CCDC180: variants seen among roughly 807,000 people sequenced by gnomAD.
The protein encoded by CCDC180 is coiled-coil domain containing 180.
A neutral mutation model predicts 209.2 loss-of-function variants in CCDC180; 154 were observed. That is an observed-to-expected ratio of 0.74 (90% CI 0.65 to 0.84). The LOEUF is 0.84. Among genes scored for constraint, CCDC180 ranks in the 40% least tolerant of loss-of-function variants. CCDC180 has a pLI of 0.00. For synonymous variants in CCDC180, 778 were observed against 749.1 expected (o/e 1.04, Z -0.63); for missense variants, 1,874 against 1,997.3 (o/e 0.94, Z 1.18).
Position 97,338,976 on chromosome 9 carries a change from G to T in CCDC180, c.2275-4364G>T, listed in dbSNP as rs1405756240. On this transcript the variant is annotated intron_variant, in intron 18 of 36. Transcript: ENST00000529487. ...GTCTGTTTTATCAGAGACTAGGATT[G>T]TAACCCCTGCTTTTTTTTTGCTTTC... Among the ~76,000 whole-genome samples the T allele has an allele frequency of 3.9e-5, 6 of 152,208 alleles. No individual in the cohort carries two copies. In the East Asian group the frequency reaches 1.2e-3, roughly 29 times the overall value.
rs1425033836 is a variant in CCDC180, at chr9:97,314,640, A to G, written c.611A>G (p.Lys204Arg). 1 of 1,614,060 alleles carries G rather than the reference A, an allele frequency of 6.2e-7. No homozygotes were observed. Among genetic ancestry groups the G allele is most frequent in the South Asian group, 1.1e-5 (1 of 91,078 alleles). ...TIQALLELWD[K>R]VAGRLLLRKQ... Reference sequence around the variant, plus strand: ...TAGGCCCTGCTGGAGCTGTGGGATAAGGTGGCCGGGCGGTTACTGCTCCGG... The same window carrying G: ...TAGGCCCTGCTGGAGCTGTGGGATAGGGTGGCCGGGCGGTTACTGCTCCGG... Residue 204 changes from lysine to arginine, a missense_variant, in exon 7 of 37, where the codon AAG (lysine) becomes AGG (arginine). Coordinates refer to ENST00000529487, the MANE Select transcript of CCDC180 (RefSeq NM_020893.6).
At chr9:97,350,605 G>A in intron 22 of CCDC180, 50 bp downstream of exon 22, 1 of 1,519,158 alleles carries the variant, frequency 6.6e-7, no homozygotes, top group Non-Finnish European at 8.8e-7. Flanking sequence ...TTTCTCTATT[G>A]GGATGTGGTC....
chr9:97,355,495 T>C (rs922423092), intron 24 of CCDC180, among the ~76,000 whole-genome samples: 1 of 152,240 alleles, frequency 6.6e-6, no homozygotes, highest in African/African-American at 2.4e-5. Context: ...TTACTAGTTA[T>C]TGAGCACCAT....
rs73563874 is a variant in CCDC180 at position 97,366,426 on chromosome 9, C to T, written c.4048-133C>T. ...AGACAGGGAAGGAGGAGTGTCTGCTCGTGTCACTTCCACAGGGGATGCCAC... is the reference window on the plus strand; with the variant it reads ...AGACAGGGAAGGAGGAGTGTCTGCTTGTGTCACTTCCACAGGGGATGCCAC... On this transcript the variant is annotated intron_variant, in intron 30 of 36. Coordinates refer to ENST00000529487, the MANE Select transcript of CCDC180 (RefSeq NM_020893.6). The surrounding 1 kb of genome is among the most constrained non-coding windows in gnomAD (Gnocchi z 4.3). 2,304 of 874,482 alleles carry T rather than the reference C, an allele frequency of 2.6e-3. 32 individuals are homozygous for T. In the African/African-American group the frequency reaches 0.034, roughly 13 times the overall value. 54.2% of individuals were successfully genotyped at this position (874,482 alleles called of 1,614,324 possible).
intron 18 of CCDC180, among the ~76,000 whole-genome samples, chr9:97,342,581 AG>A (rs1306913118): frequency 2.0e-5 from 3 of 152,162 alleles, no homozygotes; most frequent in African/African-American, 7.2e-5. Context: ...ACCCAGCCAC[AG>A]CAATGCTTTC....
intron 10 of CCDC180, 75 bp from the exon 11 acceptor site, chr9:97,320,051 C>T: frequency 1.8e-6 from 2 of 1,115,444 alleles, no homozygotes; most frequent in South Asian, 2.5e-5. Context: ...AGCTATGTTC[C>T]TTGAAGATGC....
chr9:97,328,071 G>A lies in CCDC180; in HGVS notation c.1713G>A (p.Ala571=), dbSNP rs768247040. The change falls in exon 16 of 37, where the codon GCG becomes GCA. Residue 571 remains alanine, a synonymous_variant. Coordinates refer to ENST00000529487, the MANE Select transcript of CCDC180 (RefSeq NM_020893.6). ...CAAAGGAAGTGATGGAGTACCCAGC[G>A]ATCATGCTGAAAGAACTCAACTCCT... is the stretch of plus-strand genomic sequence containing the variant. ...LLTKEVMEYP[A]IMLKELNSYS... The A allele has an allele frequency of 1.2e-5, 19 of 1,613,894 alleles. No individual in the cohort carries two copies. The highest frequency in any genetic ancestry group is 9.9e-5 in the South Asian group (9 of 91,052).
chr9:97,313,887 C>A (rs1833069951), intron 5 of CCDC180, among the ~76,000 whole-genome samples: 1 of 152,218 alleles, frequency 6.6e-6, no homozygotes, highest in African/African-American at 2.4e-5. Flanking sequence ...CATTTGTCCC[C>A]TTCTCCCTGA....
At chr9:97,343,772 C>G in intron 19 of CCDC180, 1 of 543,514 alleles carries the variant, frequency 1.8e-6, no homozygotes, top group Non-Finnish European at 3.3e-6. Context: ...GTGAGAGTGA[C>G]CCCCTGCACC....
rs1244818586 is a variant in CCDC180 at position 97,325,015 on chromosome 9, G to A, written c.1372-4G>A. ...AGTCCCTTCTCTGGGCTCTGCCACT[G>A]CAGAAATCCTTCGAGACTCTGGCAG... On this transcript the variant is annotated splice_region_variant and splice_polypyrimidine_tract_variant and intron_variant, in intron 13 of 36. Coordinates refer to ENST00000529487, the MANE Select transcript of CCDC180 (RefSeq NM_020893.6). The A allele has an allele frequency of 1.9e-6, 3 of 1,612,578 alleles. No individual in the cohort carries two copies. Among genetic ancestry groups the A allele is most frequent in the Non-Finnish European group, 2.5e-6 (3 of 1,179,280 alleles).
intron 25 of CCDC180, chr9:97,357,944 A>G (rs1826629831): frequency 4.3e-6 from 2 of 464,318 alleles, no homozygotes; most frequent in Non-Finnish European, 7.6e-6. Context: ...CCTCCCAGGC[A>G]AGCATGGAGC....
At chr9:97,323,050 C>T in intron 12 of CCDC180, 129 bp downstream of exon 12, 1 of 676,506 alleles carries the variant, frequency 1.5e-6, no homozygotes, top group Non-Finnish European at 2.6e-6. Context: ...CACCCTTTAG[C>T]CTCCATCCAA....
At chr9:97,340,678 C>T (rs1306824621) in intron 18 of CCDC180, among the ~76,000 whole-genome samples, 1 of 152,174 alleles carries the variant, frequency 6.6e-6, no homozygotes, top group Non-Finnish European at 1.5e-5. Flanking sequence ...ACCAGAAGGG[C>T]TCCTTGGTCT....
intron 5 of CCDC180, among the ~76,000 whole-genome samples, chr9:97,313,954 A>G (rs1481823030): frequency 6.6e-6 from 1 of 152,068 alleles, no homozygotes; most frequent in East Asian, 1.9e-4. Flanking sequence ...TCTGTGCCCA[A>G]AGCACCAAGA....
Position 97,377,305 on chromosome 9 carries a change from G to C in CCDC180, c.*411G>C, listed in dbSNP as rs978624349. ...TGGGTTATAATTGCAACTCTGCACTGGTTCCTAGACCCAACAAATAACTAA... is the reference window on the plus strand; with the variant it reads ...TGGGTTATAATTGCAACTCTGCACTCGTTCCTAGACCCAACAAATAACTAA... On this transcript the variant is annotated 3_prime_UTR_variant, in exon 37 of 37. Coordinates refer to ENST00000529487, the MANE Select transcript of CCDC180 (RefSeq NM_020893.6). The C allele has an allele frequency of 6.3e-6, 1 of 158,088 alleles. No homozygotes were observed. Among genetic ancestry groups the C allele is most frequent in the African/African-American group, 2.4e-5 (1 of 41,526 alleles). 9.8% of individuals were successfully genotyped at this position (158,088 alleles called of 1,614,324 possible).
intron 8 of CCDC180, among the ~76,000 whole-genome samples, chr9:97,316,692 A>T (rs1334720798): frequency 6.6e-6 from 1 of 152,196 alleles, no homozygotes; most frequent in Non-Finnish European, 1.5e-5. Context: ...CTCGTCCCTG[A>T]TGGCACGAGC....
At chr9:97,375,378 T>A in intron 35 of CCDC180, 76 bp from the exon 36 acceptor site, 1 of 1,577,476 alleles carries the variant, frequency 6.3e-7, no homozygotes, top group Non-Finnish European at 8.7e-7. Context: ...ATGCTAAGCT[T>A]TTCCAACAGG....
intron 33 of CCDC180, 97 bp from the exon 34 acceptor site, chr9:97,371,498 C>G: frequency 1.5e-6 from 1 of 669,948 alleles, no homozygotes; most frequent in Non-Finnish European, 2.5e-6. Context: ...GGCTTGGGTC[C>G]CCAGATCTCC....
chr9:97,308,109 T>A lies in CCDC180; in HGVS notation c.46T>A (p.Tyr16Asn), dbSNP rs150854491. 7 of 1,609,344 alleles carry A rather than the reference T, an allele frequency of 4.3e-6. No individual in the cohort carries two copies. In the African/African-American group the frequency reaches 8.0e-5, roughly 18 times the overall value. The change falls in exon 2 of 37, where the codon TAC becomes AAC. Residue 16 changes from tyrosine (Y) to asparagine (N), a missense_variant. Tyr to Asn is a moderately radical substitution (Grantham distance 143). Transcript: ENST00000529487. ...GACCCAGGTTCCGAATGGGAAAGCC[T>A]ACCAGCAGATCTTCCAGGCTGAGGT... ...KVTQVPNGKA[Y>N]QQIFQAEVQL...
Sources: allele counts gnomAD v4.1 joint callset (sites outside exome capture counted in the v4.1 genomes callset), GRCh38; gene constraint gnomAD v4.1.1; non-coding constraint Gnocchi (gnomAD v3.1); transcripts MANE v1.5; gene names NCBI Gene and HGNC (gene_info 2026-07-23, HGNC 2026-07-21).